Variants in PDE4D observed in about 807,000 individuals in gnomAD.
PDE4D encodes phosphodiesterase 4D, also known as 3',5'-cyclic-AMP phosphodiesterase 4D.
A neutral mutation model predicts 87.4 loss-of-function variants in PDE4D; 24 were observed. That is an observed-to-expected ratio of 0.27 (90% CI 0.20 to 0.39). The LOEUF (loss-of-function observed/expected upper bound fraction) is 0.39, where lower values mean the gene tolerates loss of function less well. Among genes scored for constraint, PDE4D ranks in the 10% least tolerant of loss-of-function variants. The pLI, the probability that PDE4D is intolerant of heterozygous loss-of-function variation, is 1.00. For synonymous variants in PDE4D, 384 were observed against 383.2 expected, an observed-to-expected ratio of 1.00 and a Z score of -0.02; for missense variants, 714 against 1,041.0, an observed-to-expected ratio of 0.69 and a Z score of 4.32.
At chr5:59,333,849 T>C (rs1470550463) in intron 1 of PDE4D, among the ~76,000 whole-genome samples, 2 of 152,018 alleles carry the variant, frequency 1.3e-5, no homozygotes, top group Non-Finnish European at 2.9e-5. Context: ...TAATTATATT[T>C]CATACATATC....
intron 5 of PDE4D, among the ~76,000 whole-genome samples, chr5:59,071,880 G>A (rs1163233692): frequency 6.6e-6 from 1 of 151,490 alleles, no homozygotes; most frequent in Non-Finnish European, 1.5e-5. Context: ...GTAGAGACGG[G>A]GTTTCACCAT....
At chr5:60,147,876 GTGAT>G (rs1368745206) in intron 2 of PDE4D, 2 of 433,794 alleles carry the variant, frequency 4.6e-6, no homozygotes, top group Non-Finnish European at 9.2e-6. Flanking sequence ...TCCAGAGTGA[GTGAT>G]TGGAGAAAGA....
chr5:60,451,776 AG>A (rs1455879142), intron 1 of PDE4D, among the ~76,000 whole-genome samples: 1 of 152,086 alleles, frequency 6.6e-6, no homozygotes, highest in Non-Finnish European at 1.5e-5. Context: ...CAGAGACAAA[AG>A]GGGGAAACTG....
At chr5:59,325,237 GA>G (rs1231780959) in intron 1 of PDE4D, among the ~76,000 whole-genome samples, 1 of 152,124 alleles carries the variant, frequency 6.6e-6, no homozygotes, top group South Asian at 2.1e-4. Flanking sequence ...TTAAAAGGGG[GA>G]AACCTAACAA....
chr5:59,157,183 T>C, intron 5 of PDE4D: 1 of 608,362 alleles, frequency 1.6e-6, no homozygotes, highest in Non-Finnish European at 2.9e-6. Flanking sequence ...TTCTGAAGGG[T>C]TAGAATTTCC....
At chr5:60,449,053 AC>A (rs902380917) in intron 1 of PDE4D, among the ~76,000 whole-genome samples, 5 of 53,844 alleles carry the variant, frequency 9.3e-5, no homozygotes, top group African/African-American at 3.2e-4. Flanking sequence ...CCCTTCACCC[AC>A]CCCCCCAACT....
chr5:59,740,182 C>T (rs1386831901), intron 1 of PDE4D, among the ~76,000 whole-genome samples: 1 of 152,040 alleles, frequency 6.6e-6, no homozygotes, highest in African/African-American at 2.4e-5. Flanking sequence ...GTCTGTGGGC[C>T]CACTTACTGT....
chr5:59,011,886 G>T (rs1236505473), intron 6 of PDE4D, among the ~76,000 whole-genome samples: 1 of 152,194 alleles, frequency 6.6e-6, no homozygotes, highest in Non-Finnish European at 1.5e-5. Flanking sequence ...AGGAAAAAAT[G>T]TTAAGGGCAG....
intron 1 of PDE4D, among the ~76,000 whole-genome samples, chr5:59,574,937 T>C (rs1822877934): frequency 6.6e-6 from 1 of 152,178 alleles, no homozygotes; most frequent in Non-Finnish European, 1.5e-5. Flanking sequence ...ATTCTATACA[T>C]ATATAGTGTG....
chr5:59,716,514 G>C (rs1755051206), intron 1 of PDE4D, among the ~76,000 whole-genome samples: 1 of 152,206 alleles, frequency 6.6e-6, no homozygotes, highest in Non-Finnish European at 1.5e-5. Flanking sequence ...TATAGCCATT[G>C]TGGAGAGGAA....
intron 1 of PDE4D, among the ~76,000 whole-genome samples, chr5:59,751,198 G>A (rs530302799): frequency 1.3e-5 from 2 of 152,256 alleles, no homozygotes; most frequent in Admixed American, 1.3e-4. Flanking sequence ...TGTGTTCTAA[G>A]AATTGTATAC....
chr5:59,815,833 C>A (rs116457859), intron 1 of PDE4D, among the ~76,000 whole-genome samples: 1 of 152,194 alleles, frequency 6.6e-6, no homozygotes, highest in Non-Finnish European at 1.5e-5. Flanking sequence ...AAGGAGACTT[C>A]TTTAATTTCA....
intron 1 of PDE4D, among the ~76,000 whole-genome samples, chr5:59,789,192 T>C (rs1028685009): frequency 3.9e-5 from 6 of 152,188 alleles, no homozygotes; most frequent in Admixed American, 1.3e-4. Context: ...TGACAGTTGT[T>C]TCAAGTGGTG....
chr5:59,457,545 A>G (rs1800118368), intron 1 of PDE4D, among the ~76,000 whole-genome samples: 1 of 152,208 alleles, frequency 6.6e-6, no homozygotes, highest in African/African-American at 2.4e-5. Flanking sequence ...AGAGATGTTC[A>G]GGAAAAGTTG....
intron 1 of PDE4D, among the ~76,000 whole-genome samples, chr5:59,519,925 C>A (rs1811891310): frequency 6.8e-6 from 1 of 147,790 alleles, no homozygotes; most frequent in Non-Finnish European, 1.5e-5. Flanking sequence ...CACACACACA[C>A]AAATCTCTAT....
At chr5:59,634,662 G>A (rs917866279) in intron 1 of PDE4D, among the ~76,000 whole-genome samples, 3 of 152,114 alleles carry the variant, frequency 2.0e-5, no homozygotes, top group African/African-American at 7.2e-5. Context: ...AACAAAGGCA[G>A]AAATAAATAA....
chr5:58,978,959 A>G (rs1300322115), intron 11 of PDE4D, among the ~76,000 whole-genome samples: 2 of 152,210 alleles, frequency 1.3e-5, no homozygotes, highest in African/African-American at 4.8e-5. Context: ...ATTGAAAGGA[A>G]GGCATAATTA....
chr5:60,155,186 C>T (rs1781858240), intron 2 of PDE4D, among the ~76,000 whole-genome samples: 1 of 152,156 alleles, frequency 6.6e-6, no homozygotes, highest in Non-Finnish European at 1.5e-5. Flanking sequence ...TTTTTCAAGC[C>T]AATTACCAAT....
At chr5:60,300,799 G>A (rs1044587364) in intron 1 of PDE4D, among the ~76,000 whole-genome samples, 25 of 151,452 alleles carry the variant, frequency 1.7e-4, no homozygotes, top group Admixed American at 7.2e-4. Context: ...TTGAGATGGA[G>A]TCTCACTCTG....
Sources: gnomAD v4.1 joint callset for allele counts (sites outside exome capture counted in the v4.1 genomes callset) on GRCh38, gnomAD v4.1.1 for gene constraint, MANE v1.5 for transcripts, NCBI Gene and HGNC (gene_info 2026-07-23, HGNC 2026-07-21) for gene names.